GAK: variants seen among roughly 807,000 people sequenced by gnomAD.
The protein encoded by GAK is cyclin-G-associated kinase.
GAK carries 79 observed loss-of-function variants against 143.9 expected under a neutral mutation model. The ratio of observed to expected loss-of-function variants is 0.55; its 90% CI spans 0.46 to 0.66. GAK has a LOEUF of 0.66. GAK is among the 30% of genes least tolerant of loss of function. The pLI is 0.00. For missense variants in GAK, 1,693 were observed against 1,779.7 expected (o/e 0.95, Z 0.88); for synonymous variants, 881 against 765.5 (o/e 1.15, Z -2.49).
intron 5 of GAK, among the ~76,000 whole-genome samples, chr4:899,660 T>C (rs1466089251): frequency 6.6e-6 from 1 of 152,196 alleles, no homozygotes; most frequent in Non-Finnish European, 1.5e-5. Context: ...GCACCCGCCA[T>C]GCCCCAGGAC....
rs562852908 is a variant in GAK at position 903,360 on chromosome 4, G to T, written c.525+1277C>A. On this transcript the variant is annotated intron_variant, in intron 5 of 27. Coordinates refer to ENST00000314167, the MANE Select transcript of GAK (RefSeq NM_005255.4). ...GGTGAACGGAAGGGGAGGTGCAGTG[G>T]GGGGACAGTCAGGAAGTGCAAAGAG... is the stretch of plus-strand genomic sequence containing the variant. Among the ~76,000 whole-genome samples, 28 of 152,334 alleles carry T rather than the reference G, an allele frequency of 1.8e-4. 1 individual carries two copies. In the South Asian group the frequency reaches 5.2e-3, roughly 28 times the overall value.
At chr4:904,147 G>C (rs1720597167) in intron 5 of GAK, among the ~76,000 whole-genome samples, 1 of 152,120 alleles carries the variant, frequency 6.6e-6, no homozygotes, top group Non-Finnish European at 1.5e-5. Context: ...CCCTGTGGAT[G>C]ATGGGCGGCT....
chr4:854,470 G>A (rs1748778834), intron 24 of GAK, among the ~76,000 whole-genome samples: 1 of 152,138 alleles, frequency 6.6e-6, no homozygotes, highest in Non-Finnish European at 1.5e-5. Flanking sequence ...CCAGCCCCAG[G>A]CCACAAAGGT....
At chr4:921,165 C>T (rs1051159816) in intron 1 of GAK, among the ~76,000 whole-genome samples, 1 of 152,020 alleles carries the variant, frequency 6.6e-6, no homozygotes, top group Non-Finnish European at 1.5e-5. Flanking sequence ...TGCAGTGGCA[C>T]AATCTCAGTT....
intron 24 of GAK, among the ~76,000 whole-genome samples, chr4:856,372 T>TCAC (rs1307267660): frequency 1.3e-5 from 1 of 79,536 alleles, no homozygotes; most frequent in African/African-American, 5.4e-5. Context: ...CCACAGCTGC[T>TCAC]CACCACAGCT....
Position 911,791 on chromosome 4 carries a change from C to T in GAK, c.268-4G>A. The T allele has an allele frequency of 1.2e-6, 2 of 1,611,102 alleles. No homozygotes were observed. Among genetic ancestry groups the T allele is most frequent in the Non-Finnish European group, 1.7e-6 (2 of 1,177,344 alleles). On this transcript the variant is annotated splice_polypyrimidine_tract_variant and splice_region_variant and intron_variant, in intron 3 of 27. Transcript: ENST00000314167. ...TCGGGTGGCCGGAAAGCTTTTTCTG[C>T]AGTTGTCTTGTTAAAGGAGAACGTA...
At chr4:893,561 G>A (rs1273630464) in intron 8 of GAK, 72 bp from the exon 9 acceptor site, 3 of 1,121,538 alleles carry the variant, frequency 2.7e-6, no homozygotes, top group Non-Finnish European at 3.7e-6. Flanking sequence ...ACTGGCAGAG[G>A]TCACAGACCA....
intron 1 of GAK, among the ~76,000 whole-genome samples, chr4:920,436 TTGAACTCCTGGTGGTGAAAA>T (rs2152962021): frequency 6.6e-6 from 1 of 151,758 alleles, no homozygotes; most frequent in Non-Finnish European, 1.5e-5. Context: ...AGGATGTGCA[TTGAACTCCTGGTGGTGAAAA>T]CGCCACCAGG....
rs188540831 is a variant in GAK, at chr4:909,506, A to C, written c.382+2167T>G. Among the ~76,000 whole-genome samples the C allele has an allele frequency of 1.4e-3, 209 of 152,206 alleles. 2 individuals are homozygous for C. The highest frequency in any genetic ancestry group is 6.8e-3 in the Middle Eastern group (2 of 294). On this transcript the variant is annotated intron_variant, in intron 4 of 27. Transcript: ENST00000314167. ...AGCCCAGCACGGACTGCATGGACGC[A>C]CGGGAGGGGCCGGGAGCGGCGTGTC...
chr4:931,895 A>G, intron 1 of GAK, 148 bp downstream of exon 1: 1 of 639,306 alleles, frequency 1.6e-6, no homozygotes, highest in Non-Finnish European at 2.7e-6. Context: ...CTCGGCAGAG[A>G]CCCTCCCCTG....
At chr4:911,544 C>G in intron 4 of GAK, 129 bp downstream of exon 4, 1 of 627,714 alleles carries the variant, frequency 1.6e-6, no homozygotes, top group Non-Finnish European at 2.8e-6. Flanking sequence ...GCCCGCGCTT[C>G]CCGCTAAGAC....
In GAK at chr4:890,627, G is replaced by A. The variant is rs371260102; in HGVS notation, c.991-5C>T. ...GCCTCCATTCTGCTCCAGGAGCTGT[G>A]ACAATGAAAATGCAGAGGTCAGTTC... On this transcript the variant is annotated splice_polypyrimidine_tract_variant and splice_region_variant and intron_variant, in intron 9 of 27. Coordinates refer to ENST00000314167, the MANE Select transcript of GAK (RefSeq NM_005255.4). The A allele has an allele frequency of 1.9e-6, 3 of 1,607,640 alleles. No homozygotes were observed. The highest frequency in any genetic ancestry group is 2.5e-6 in the Non-Finnish European group (3 of 1,177,934).
At chr4:926,838 C>A (rs1415506293) in intron 1 of GAK, among the ~76,000 whole-genome samples, 13 of 148,444 alleles carry the variant, frequency 8.8e-5, no homozygotes, top group African/African-American at 1.8e-4. Context: ...CTGCCCCGCA[C>A]CCCTCCCAGC....
intron 19 of GAK, 114 bp downstream of exon 19, chr4:870,597 T>TG (rs1034984228): frequency 3.7e-6 from 4 of 1,074,908 alleles, no homozygotes; most frequent in African/African-American, 1.6e-5. Context: ...GCTCAGGGCC[T>TG]GGGTGCAGCA....
intron 18 of GAK, among the ~76,000 whole-genome samples, chr4:873,455 G>A (rs534458759): frequency 6.6e-6 from 1 of 151,476 alleles, no homozygotes; most frequent in Non-Finnish European, 1.5e-5. Flanking sequence ...CCAAGTATTC[G>A]CTGAAGTTTG....
At chr4:900,082 A>G (rs1719569140) in intron 5 of GAK, among the ~76,000 whole-genome samples, 1 of 152,282 alleles carries the variant, frequency 6.6e-6, no homozygotes, top group Non-Finnish European at 1.5e-5. Context: ...GGGGAGATGC[A>G]GTGGCACACG....
chr4:868,998 G>A lies in GAK; in HGVS notation c.2249-313C>T, dbSNP rs1316429039. The A allele has an allele frequency of 1.1e-5, 4 of 367,028 alleles. No homozygotes were observed. The East Asian group carries it at 2.3e-4, about 21-fold the overall frequency. The allele number at this position is 367,028 out of a possible 1,614,324, so 22.7% of individuals were successfully genotyped here. A position where few individuals can be genotyped will look rare whatever the true frequency, so the allele number is the denominator to read the frequency against. ...TACACATGAATGCACACACACAGCT[G>A]CACGGTACACACGAATGCATAGAGC... is the stretch of plus-strand genomic sequence containing the variant. On this transcript the variant is annotated intron_variant, in intron 19 of 27. Coordinates refer to ENST00000314167, the MANE Select transcript of GAK (RefSeq NM_005255.4).
At chr4:896,864 A>G (rs1718902672) in intron 6 of GAK, among the ~76,000 whole-genome samples, 1 of 152,232 alleles carries the variant, frequency 6.6e-6, no homozygotes, top group African/African-American at 2.4e-5. Flanking sequence ...TGCTGAGGAG[A>G]AGGGTGTCTC....
At chr4:890,772 T>C (rs958798896) in intron 9 of GAK, 150 bp from the exon 10 acceptor site, 116 of 627,412 alleles carry the variant, frequency 1.8e-4, no homozygotes, top group Non-Finnish European at 2.9e-4. Flanking sequence ...TCCCACAGGC[T>C]GAAGCATCAG....
Sources: gnomAD v4.1 joint callset for allele counts (sites outside exome capture counted in the v4.1 genomes callset) on GRCh38, gnomAD v4.1.1 for gene constraint, MANE v1.5 for transcripts, NCBI Gene and HGNC (gene_info 2026-07-23, HGNC 2026-07-21) for gene names.